The following ATP12A variants were observed in gnomAD, a reference collection of about 807,000 sequenced individuals.
ATP12A encodes ATPase H+/K+ transporting non-gastric alpha2 subunit, also known as potassium-transporting ATPase alpha chain 2.
Under a neutral mutation model 111.2 loss-of-function variants are expected in ATP12A, and 81 were observed. The observed-to-expected ratio is 0.73, with a 90% CI of 0.61 to 0.88. ATP12A has a LOEUF of 0.88. Ranked by LOEUF, ATP12A falls within the 40% of genes least tolerant of loss-of-function variation. The pLI, the probability that ATP12A is intolerant of heterozygous loss-of-function variation, is 0.00. For missense variants in ATP12A, 1,196 were observed against 1,313.1 expected, an observed-to-expected ratio of 0.91 and a Z score of 1.38; for synonymous variants, 498 against 499.8, an observed-to-expected ratio of 1.00 and a Z score of 0.05.
intron 10 of ATP12A, 101 bp from the exon 11 acceptor site, chr13:24,694,343 A>G: frequency 2.1e-6 from 3 of 1,415,994 alleles, no homozygotes; most frequent in Non-Finnish European, 2.9e-6. Context: ...CTCTCCAGCT[A>G]GGTGGTAATG....
At chr13:24,702,123 C>T in intron 14 of ATP12A, 52 bp downstream of exon 14, 1 of 1,610,896 alleles carries the variant, frequency 6.2e-7, no homozygotes, top group South Asian at 1.1e-5. Flanking sequence ...CATGGGGCCC[C>T]ACTGGCTCTA....
intron 11 of ATP12A, among the ~76,000 whole-genome samples, chr13:24,695,516 A>G (rs577694111): frequency 1.3e-5 from 2 of 152,152 alleles, no homozygotes; most frequent in Admixed American, 1.3e-4. Context: ...ATAGAAATGG[A>G]ATAACCACAA....
chr13:24,697,639 C>CAA (rs67009964), intron 11 of ATP12A, among the ~76,000 whole-genome samples: 1,361 of 96,742 alleles, frequency 0.014, 18 homozygotes, highest in African/African-American at 0.024. Context: ...GACCCCGTCT[C>CAA]AAAAAAAAAA....
chr13:24,707,452 A>G lies in ATP12A; in HGVS notation c.2493+19A>G. 1 of 1,614,048 alleles carries G rather than the reference A, an allele frequency of 6.2e-7. No individual in the cohort carries two copies. Among genetic ancestry groups the G allele is most frequent in the South Asian group, 1.1e-5 (1 of 91,060 alleles). Reference sequence around the variant, plus strand: ...AGACATTGTAAGTGACACTGAAGGGAACAGGCTGTGATGCCTGCCCCAGGG... The same window carrying G: ...AGACATTGTAAGTGACACTGAAGGGGACAGGCTGTGATGCCTGCCCCAGGG... On this transcript the variant is annotated intron_variant, in intron 17 of 22. Coordinates refer to ENST00000381946, the MANE Select transcript of ATP12A (RefSeq NM_001676.7).
At chr13:24,694,691 C>G in intron 11 of ATP12A, 113 bp downstream of exon 11, 1 of 1,524,800 alleles carries the variant, frequency 6.6e-7, no homozygotes, top group South Asian at 1.2e-5. Flanking sequence ...CAAAGACAGT[C>G]GTCAGGGATA....
intron 3 of ATP12A, among the ~76,000 whole-genome samples, chr13:24,687,262 A>C (rs2137692242): frequency 1.3e-5 from 2 of 152,244 alleles, no homozygotes; most frequent in Middle Eastern, 3.4e-3. Flanking sequence ...GGAGTTCGAA[A>C]CCAGCCTGGC....
At position 24,710,838 on chromosome 13, in the gene ATP12A, C is replaced by G. The variant is rs762703916; in HGVS notation, c.2944C>G (p.Leu982Val). The change falls in exon 21 of 23, where the codon CTG becomes GTG. Residue 982 changes from leucine (L) to valine (V), a missense_variant. Transcript: ENST00000381946. ...VGITSQIIIG[L>V]ILSYGLGSVT... The stretch of plus-strand genomic sequence containing the variant: ...GATCACCTCACAGATCATCATTGGT[C>G]TGATCCTCTCCTATGGCCTCGGAAG... The G allele has an allele frequency of 1.3e-5, 21 of 1,614,204 alleles. No individual in the cohort carries two copies. The highest frequency in any genetic ancestry group is 1.8e-5 in the Non-Finnish European group (21 of 1,180,034).
In ATP12A at chr13:24,710,572, T is replaced by C. The variant is rs773163219; in HGVS notation, c.2876T>C (p.Ile959Thr). The C allele has an allele frequency of 6.2e-7, 1 of 1,614,088 alleles. No homozygotes were observed. The highest frequency in any genetic ancestry group is 1.3e-5 in the African/African-American group (1 of 74,938). ...ATCAGGAAAACCCGGAGGAATTCCA[T>C]CTTCCAGCAGGGTCTCTTCAGGTAC... ...LIIRKTRRNS[I>T]FQQGLFRNKV... The change falls in exon 20 of 23, where the codon ATC (isoleucine) becomes ACC (threonine). Residue 959 changes from isoleucine to threonine, a missense_variant. By Grantham distance (89) the Ile-to-Thr change is moderately conservative. This residue lies in a region of ATP12A where 1,126 missense variants were observed against 1,228.5 expected (regional missense o/e 0.92). Transcript: ENST00000381946.
In ATP12A at chr13:24,708,950, A is replaced by AAAGAAAGGAAGG. The variant is rs1175761649; in HGVS notation, c.2494-407_2494-406insGAAGGAAGAAAG. On this transcript the variant is annotated intron_variant, in intron 17 of 22. Coordinates refer to ENST00000381946, the MANE Select transcript of ATP12A (RefSeq NM_001676.7). ...GAAAGAAAGAAAGAAAGAAAGAAAGAAAGAAAGAAAGAAGGAAAGAGAAAG... is the reference window on the plus strand; with the variant it reads ...GAAAGAAAGAAAGAAAGAAAGAAAGAAAGAAAGGAAGGAAGAAAGAAAGAAGGAAAGAGAAAG... Among the ~76,000 whole-genome samples, 28 of 131,492 alleles carry AAAGAAAGGAAGG rather than the reference A, an allele frequency of 2.1e-4. 1 individual carries two copies. Among genetic ancestry groups the AAAGAAAGGAAGG allele is most frequent in the African/African-American group, 7.3e-4 (24 of 32,748 alleles). The allele number at this position is 131,492 out of a possible 152,430, so 86.3% of individuals were successfully genotyped here.
intron 10 of ATP12A, among the ~76,000 whole-genome samples, chr13:24,693,894 T>C (rs1369427040): frequency 3.2e-4 from 48 of 152,258 alleles, no homozygotes; most frequent in Admixed American, 3.1e-3. Context: ...ATTAAACCTC[T>C]TTGATTCCGG....
intron 5 of ATP12A, 125 bp from the exon 6 acceptor site, chr13:24,690,213 A>G: frequency 7.0e-7 from 1 of 1,435,246 alleles, no homozygotes; most frequent in Non-Finnish European, 9.4e-7. Flanking sequence ...AACAGCATGG[A>G]CTCAACAGTG....
chr13:24,686,759 A>G (rs1195497241), intron 3 of ATP12A, among the ~76,000 whole-genome samples: 1 of 146,710 alleles, frequency 6.8e-6, no homozygotes, highest in Non-Finnish European at 1.5e-5. Flanking sequence ...GGAAAGAAAG[A>G]AAGAAGGAAG....
intron 11 of ATP12A, among the ~76,000 whole-genome samples, chr13:24,696,894 C>T (rs566361370): frequency 2.0e-5 from 3 of 152,064 alleles, no homozygotes; most frequent in African/African-American, 2.4e-5. Flanking sequence ...GACGTCTCTG[C>T]GGGAAGGAAA....
intron 2 of ATP12A, among the ~76,000 whole-genome samples, chr13:24,682,297 GTGTA>G (rs1463090600): frequency 6.8e-6 from 1 of 147,068 alleles, no homozygotes. Flanking sequence ...TGTGTGGTGT[GTGTA>G]TGTGCATGGT....
Position 24,708,874 on chromosome 13 carries a change from AAGAG to A in ATP12A, c.2494-484_2494-481del, listed in dbSNP as rs67526332. The stretch of plus-strand genomic sequence containing the variant: ...AGAGAGAGGGAAAGAGAGAAAGAGA[AAGAG>A]AGAGAAAGAGAAAGAAAGAAAGGAA... On this transcript the variant is annotated intron_variant, in intron 17 of 22. Transcript: ENST00000381946. 3.2e-4 allele frequency among the ~76,000 whole-genome samples: 47 copies of A among 145,064 alleles called. 1 individual carries two copies. Among genetic ancestry groups the A allele is most frequent in the Middle Eastern group, 7.1e-3 (2 of 280 alleles).
chr13:24,701,596 C>T (rs1875400568), intron 13 of ATP12A, among the ~76,000 whole-genome samples: 1 of 152,004 alleles, frequency 6.6e-6, no homozygotes, highest in Non-Finnish European at 1.5e-5. Flanking sequence ...CCCCCATAAT[C>T]CATGTTCATC....
At chr13:24,695,026 T>TCG (rs1875080223) in intron 11 of ATP12A, among the ~76,000 whole-genome samples, 1 of 152,178 alleles carries the variant, frequency 6.6e-6, no homozygotes, top group African/African-American at 2.4e-5. Context: ...CTACGTGGCC[T>TCG]TGTTCCATGT....
At chr13:24,709,279 G>GCCCCCCCCCCCCCCCCCCCC in intron 17 of ATP12A, 85 bp from the exon 18 acceptor site, 1 of 211,220 alleles carries the variant, frequency 4.7e-6, no homozygotes, top group Non-Finnish European at 9.1e-6. Context: ...TCCAGCCAGT[G>GCCCCCCCCCCCCCCCCCCCC]CCCCACCCAC....
intron 17 of ATP12A, among the ~76,000 whole-genome samples, chr13:24,708,761 T>G (rs913057598): frequency 5.3e-5 from 8 of 149,776 alleles, no homozygotes; most frequent in Non-Finnish European, 1.0e-4. Flanking sequence ...TCCAGATAAC[T>G]GGGCTAGGAA....
Sources: gnomAD v4.1 joint callset for allele counts (sites outside exome capture counted in the v4.1 genomes callset) on GRCh38, gnomAD v4.1.1 for gene constraint, gnomAD v4.1.1 regional missense constraint, MANE v1.5 for transcripts, NCBI Gene and HGNC (gene_info 2026-07-23, HGNC 2026-07-21) for gene names.